The following E2F5 variants were observed in gnomAD, a reference collection of about 807,000 sequenced individuals.
E2F5 encodes E2F transcription factor 5.
Under a neutral mutation model 39.1 loss-of-function variants are expected in E2F5, and 23 were observed. That is an observed-to-expected ratio of 0.59 (90% confidence interval 0.42 to 0.83). The LOEUF is 0.83. E2F5 is among the 40% of genes least tolerant of loss of function. The probability of loss-of-function intolerance (pLI) is 0.00; values close to 1 mark genes in which losing one functional copy is unlikely to be tolerated. For synonymous variants in E2F5, 145 were observed against 157.8 expected (o/e 0.92, Z 0.61); for missense variants, 365 against 406.7 (o/e 0.90, Z 0.88).
At chr8:85,197,502 C>T (rs1036892461) in intron 1 of E2F5, among the ~76,000 whole-genome samples, 1 of 152,214 alleles carries the variant, frequency 6.6e-6, no homozygotes, top group Non-Finnish European at 1.5e-5. Flanking sequence ...TTGTCTTGAG[C>T]ACCTCTTAGA....
intron 6 of E2F5, among the ~76,000 whole-genome samples, chr8:85,210,968 T>C (rs954588345): frequency 2.0e-5 from 3 of 151,978 alleles, no homozygotes; most frequent in Non-Finnish European, 4.4e-5. Flanking sequence ...ATAGCATAAT[T>C]AGCTATAATG....
At chr8:85,203,752 G>A (rs1318095041) in intron 3 of E2F5, among the ~76,000 whole-genome samples, 1 of 150,086 alleles carries the variant, frequency 6.7e-6, no homozygotes, top group Non-Finnish European at 1.5e-5. Flanking sequence ...GGAGAACAGG[G>A]GTCTAAGTCG....
At chr8:85,207,107 T>G (rs4150954) in intron 4 of E2F5, among the ~76,000 whole-genome samples, 22 of 152,340 alleles carry the variant, frequency 1.4e-4, no homozygotes, top group African/African-American at 5.0e-4. Flanking sequence ...CAGTGTTATT[T>G]GAGGCTAAAT....
intron 1 of E2F5, among the ~76,000 whole-genome samples, chr8:85,194,260 A>T (rs1313026452): frequency 6.6e-6 from 1 of 152,128 alleles, no homozygotes; most frequent in South Asian, 2.1e-4. Flanking sequence ...AGTTTTGAGA[A>T]TGGGCTATTC....
Position 85,187,931 on chromosome 8 carries a change from A to G in E2F5, c.234+10277A>G, listed in dbSNP as rs149842514. The G allele has an allele frequency of 3.3e-5, 5 of 152,154 alleles. No homozygotes were observed. The East Asian group carries it at 5.8e-4, about 18-fold the overall frequency. The allele number at this position is 152,154 out of a possible 1,614,324, so 9.4% of individuals were successfully genotyped here. On this transcript the variant is annotated intron_variant, in intron 1 of 7. Coordinates refer to ENST00000416274, the MANE Select transcript of E2F5 (RefSeq NM_001951.4). The stretch of plus-strand genomic sequence containing the variant: ...GTTTTGATTCCTTGCCTTTTTATGT[A>G]TCTGCTATAGGTTTTTGCTTTGTTG...
rs1388269498 is a variant in E2F5 at position 85,177,350 on chromosome 8, G to C, written c.-71G>C. 5.2e-5 allele frequency: 51 copies of C among 979,082 alleles called. No homozygotes were observed. The highest frequency in any genetic ancestry group is 5.7e-5 in the Non-Finnish European group (47 of 824,490). The allele number at this position is 979,082 out of a possible 1,614,324, so 60.6% of individuals were successfully genotyped here. A position where few individuals can be genotyped will look rare whatever the true frequency, so the allele number is the denominator to read the frequency against. On this transcript the variant is annotated 5_prime_UTR_variant, in exon 1 of 8. Transcript: ENST00000416274. Reference sequence around the variant, plus strand: ...GAAGCGGCCGCAGCGGAGCCGACCCGGCAGGTGGCCGCGGGCGGGGCCGGC... The same window carrying C: ...GAAGCGGCCGCAGCGGAGCCGACCCCGCAGGTGGCCGCGGGCGGGGCCGGC...
At position 85,214,356 on chromosome 8, in the gene E2F5, T is replaced by C. The variant is rs1813044664; in HGVS notation, c.*494T>C. ...GTTTCAGTGAACAGATTTTGTGAAGTGCCTTCTGTTTTAGCACTTTAAGTT... is the reference window on the plus strand; with the variant it reads ...GTTTCAGTGAACAGATTTTGTGAAGCGCCTTCTGTTTTAGCACTTTAAGTT... On this transcript the variant is annotated 3_prime_UTR_variant, in exon 8 of 8. Transcript: ENST00000416274. The C allele has an allele frequency of 1.8e-5, 11 of 600,888 alleles. No homozygotes were observed. Among genetic ancestry groups the C allele is most frequent in the Non-Finnish European group, 3.2e-5 (11 of 338,986 alleles). 37.2% of individuals were successfully genotyped at this position (600,888 alleles called of 1,614,324 possible).
intron 7 of E2F5, chr8:85,212,918 C>CTGGAG (rs1812970872): frequency 6.9e-6 from 1 of 144,432 alleles, no homozygotes; most frequent in Non-Finnish European, 1.5e-5. Flanking sequence ...GAGTCTCCCT[C>CTGGAG]TGTCATCCAG....
At chr8:85,210,574 G>T (rs960736863) in intron 6 of E2F5, among the ~76,000 whole-genome samples, 2 of 151,930 alleles carry the variant, frequency 1.3e-5, no homozygotes, top group African/African-American at 4.8e-5. Context: ...CCAGCTACTT[G>T]GAAAGCTGAG....
intron 1 of E2F5, among the ~76,000 whole-genome samples, chr8:85,181,405 G>A (rs1048436994): frequency 2.0e-5 from 3 of 151,210 alleles, no homozygotes; most frequent in Non-Finnish European, 2.9e-5. Context: ...ATCTCCACTC[G>A]CTGCAAGCTC....
chr8:85,178,537 C>T (rs1812135198), intron 1 of E2F5, among the ~76,000 whole-genome samples: 2 of 152,154 alleles, frequency 1.3e-5, no homozygotes, highest in Non-Finnish European at 2.9e-5. Flanking sequence ...TGTGGTCACT[C>T]CGCGCGAAGT....
intron 1 of E2F5, among the ~76,000 whole-genome samples, chr8:85,180,874 C>T (rs964827612): frequency 5.3e-5 from 8 of 151,208 alleles, no homozygotes; most frequent in Non-Finnish European, 1.2e-4. Flanking sequence ...CCACCGCGCC[C>T]GGCCGGTCTT....
Position 85,177,622 on chromosome 8 carries a change from G to C in E2F5, c.202G>C (p.Glu68Gln). 7.7e-7 allele frequency: 1 copy of C among 1,297,858 alleles called. No homozygotes were observed. The highest frequency in any genetic ancestry group is 2.8e-5 in the East Asian group (1 of 35,452). 80.4% of individuals were successfully genotyped at this position (1,297,858 alleles called of 1,614,324 possible). Residue 68 changes from glutamate to glutamine, a missense_variant, in exon 1 of 8, where the codon GAG becomes CAG. Transcript: ENST00000416274. ...TACCAAGTTCGTGTCGCTGCTGCAG[G>C]AGGCCAAGGACGGCGTTCTGGATCT... Reference protein sequence around the residue: ...LTTKFVSLLQEAKDGVLDLKA... With the variant: ...LTTKFVSLLQQAKDGVLDLKA...
Position 85,209,224 on chromosome 8 carries a change from C to T in E2F5, c.698C>T (p.Ser233Leu). The T allele has an allele frequency of 1.9e-6, 3 of 1,613,942 alleles. No individual in the cohort carries two copies. Among genetic ancestry groups the T allele is most frequent in the Non-Finnish European group, 1.7e-6 (2 of 1,179,894 alleles). The change falls in exon 6 of 8, where the codon TCG (serine) becomes TTG (leucine). Residue 233 changes from serine (S) to leucine (L), a missense_variant. Ser to Leu is a moderately radical substitution (Grantham distance 145). Transcript: ENST00000416274. ...PIHVLLINKE[S>L]SSSKPVVFPV... Reference sequence around the variant, plus strand: ...CATGTGCTGCTTATAAATAAAGAGTCGAGTTCATCTAAGCCCGTGGTTTTT... The same window carrying T: ...CATGTGCTGCTTATAAATAAAGAGTTGAGTTCATCTAAGCCCGTGGTTTTT...
chr8:85,182,964 T>C (rs1336802320), intron 1 of E2F5, among the ~76,000 whole-genome samples: 1 of 152,028 alleles, frequency 6.6e-6, no homozygotes, highest in Non-Finnish European at 1.5e-5. Context: ...TTGAAGACAC[T>C]AGTTTGGCCG....
At chr8:85,203,386 T>C (rs1812733941) in intron 3 of E2F5, 131 bp downstream of exon 3, 3 of 637,524 alleles carry the variant, frequency 4.7e-6, no homozygotes, top group Non-Finnish European at 4.5e-6. Flanking sequence ...CATTTTAATT[T>C]TATTATATTC....
Position 85,186,087 on chromosome 8 carries a change from T to G in E2F5, c.234+8433T>G, listed in dbSNP as rs190241938. ...ATGTTTATTGTGGCACTATTCACAA[T>G]AGCAAAGACTTGGAACCAACCCAAA... On this transcript the variant is annotated intron_variant, in intron 1 of 7. Coordinates refer to ENST00000416274, the MANE Select transcript of E2F5 (RefSeq NM_001951.4). Among the ~76,000 whole-genome samples, 164 of 152,264 alleles carry G rather than the reference T, an allele frequency of 1.1e-3. 3 individuals are homozygous for G. In the East Asian group the frequency reaches 0.023, roughly 21 times the overall value.
intron 1 of E2F5, among the ~76,000 whole-genome samples, chr8:85,201,631 T>C (rs1228681354): frequency 6.6e-6 from 1 of 152,210 alleles, no homozygotes; most frequent in African/African-American, 2.4e-5. Flanking sequence ...ATTCCTCTGT[T>C]TTCGTTATTA....
chr8:85,188,236 T>C (rs1242894917), intron 1 of E2F5, among the ~76,000 whole-genome samples: 1 of 151,968 alleles, frequency 6.6e-6, no homozygotes, highest in Non-Finnish European at 1.5e-5. Flanking sequence ...GCTGCATAAA[T>C]TGCTTATATC....
Sources: allele counts gnomAD v4.1 joint callset (sites outside exome capture counted in the v4.1 genomes callset), GRCh38; gene constraint gnomAD v4.1.1; transcripts MANE v1.5; gene names NCBI Gene and HGNC (gene_info 2026-07-23, HGNC 2026-07-21).